COL4A3: variants seen among roughly 807,000 people sequenced by gnomAD.
COL4A3 encodes the protein collagen type IV alpha 3 chain.
Under a neutral mutation model 217.4 loss-of-function variants are expected in COL4A3, and 135 were observed. That is an observed-to-expected ratio of 0.62 (90% CI 0.54 to 0.72). The LOEUF (loss-of-function observed/expected upper bound fraction) is 0.72. COL4A3 is among the 30% of genes least tolerant of loss of function. The pLI is 0.00. For missense variants in COL4A3, 1,868 were observed against 2,119.9 expected (o/e 0.88, Z 2.33); for synonymous variants, 690 against 736.3 (o/e 0.94, Z 1.02).
In COL4A3 at chr2:227,294,495, C is replaced by T; in HGVS notation, c.3343C>T (p.Pro1115Ser). The part of the protein sequence containing the change: ...SPGSPGLPGK[P>S]GPHGDLGFKG... ...TCCCCTCTCTTCATTTCCAGGAAAG[C>T]CAGGTCCTCATGGTGATTTGGGTTT... The change falls in exon 39 of 52, where the codon CCA becomes TCA. Residue 1115 changes from proline (P) to serine (S), a missense_variant. Pro to Ser is a moderately conservative substitution (Grantham distance 74, BLOSUM62 -1). Coordinates refer to ENST00000396578, the MANE Select transcript of COL4A3 (RefSeq NM_000091.5). The T allele has an allele frequency of 6.2e-7, 1 of 1,609,710 alleles. No homozygotes were observed. Among genetic ancestry groups the T allele is most frequent in the East Asian group, 2.2e-5 (1 of 44,864 alleles).
intron 1 of COL4A3, among the ~76,000 whole-genome samples, chr2:227,192,981 A>C (rs1039262975): frequency 2.0e-5 from 3 of 152,302 alleles, no homozygotes; most frequent in Non-Finnish European, 4.4e-5. Flanking sequence ...CACTCTATCA[A>C]ATCACTCTAA....
At chr2:227,231,018 T>A (rs902176613) in intron 1 of COL4A3, among the ~76,000 whole-genome samples, 1 of 152,224 alleles carries the variant, frequency 6.6e-6, no homozygotes, top group Non-Finnish European at 1.5e-5. Flanking sequence ...ACCTTGCCAA[T>A]TTAACTGAGA....
intron 1 of COL4A3, among the ~76,000 whole-genome samples, chr2:227,211,707 G>T (rs555963807): frequency 6.7e-6 from 1 of 148,634 alleles, no homozygotes; most frequent in African/African-American, 2.5e-5. Context: ...GCCCAGGCTG[G>T]AGTGCAGTGG....
intron 1 of COL4A3, among the ~76,000 whole-genome samples, chr2:227,206,961 G>A (rs143643140): frequency 3.3e-5 from 5 of 152,274 alleles, no homozygotes; most frequent in African/African-American, 4.8e-5. Flanking sequence ...CAAAGCACTT[G>A]CACTGCATAC....
rs2073646986 is a variant in COL4A3 at position 227,309,306 on chromosome 2, T to G, written c.4743T>G (p.Phe1581Leu). ...GCTGGATTTCTCTCTGGAAAGGATT[T>G]TCATTCATCATGGTGAGGAGAAAAG... is the stretch of plus-strand genomic sequence containing the variant. ...PHGWISLWKGFSFIMFTSAGS... is the reference protein window; with the variant it reads ...PHGWISLWKGLSFIMFTSAGS... Residue 1581 changes from phenylalanine (F) to leucine (L), a missense_variant, in exon 50 of 52, where the codon TTT (phenylalanine) becomes TTG (leucine). Physicochemically the swap from Phe to Leu is conservative, Grantham distance 22. Transcript: ENST00000396578. 2.5e-6 allele frequency: 4 copies of G among 1,613,538 alleles called. No homozygotes were observed. Among genetic ancestry groups the G allele is most frequent in the Middle Eastern group, 1.6e-4 (1 of 6,062 alleles).
At chr2:227,260,139 G>A (rs941211554) in intron 19 of COL4A3, 1 of 623,244 alleles carries the variant, frequency 1.6e-6, no homozygotes, top group African/African-American at 1.8e-5. Flanking sequence ...TTGCTGGAGG[G>A]CAGGAGGAGG....
chr2:227,167,767 T>G (rs2065330915), intron 1 of COL4A3, among the ~76,000 whole-genome samples: 1 of 152,164 alleles, frequency 6.6e-6, no homozygotes, highest in Non-Finnish European at 1.5e-5. Context: ...ATTAATATAC[T>G]TTGACTTGTT....
At chr2:227,169,640 A>G (rs916196229) in intron 1 of COL4A3, among the ~76,000 whole-genome samples, 3 of 152,182 alleles carry the variant, frequency 2.0e-5, no homozygotes, top group African/African-American at 7.2e-5. Flanking sequence ...TATGATAGCC[A>G]GTGATGGTGA....
chr2:227,239,073 T>A (rs2068865915), intron 2 of COL4A3, among the ~76,000 whole-genome samples: 1 of 152,218 alleles, frequency 6.6e-6, no homozygotes. Flanking sequence ...ATTGTGTAAC[T>A]AAATTGACCC....
intron 4 of COL4A3, 140 bp downstream of exon 4, chr2:227,244,504 T>C (rs954731025): frequency 8.0e-6 from 7 of 874,274 alleles, no homozygotes; most frequent in Non-Finnish European, 9.3e-6. Flanking sequence ...TCTGTAATGG[T>C]AGATGTCAAA....
At chr2:227,238,770 T>C (rs1184651849) in intron 2 of COL4A3, among the ~76,000 whole-genome samples, 2 of 152,200 alleles carry the variant, frequency 1.3e-5, no homozygotes, top group Non-Finnish European at 2.9e-5. Context: ...ATAATTATAC[T>C]TATTTTAAAT....
chr2:227,231,817 C>A (rs185667254), intron 1 of COL4A3, among the ~76,000 whole-genome samples: 1 of 151,850 alleles, frequency 6.6e-6, no homozygotes, highest in Non-Finnish European at 1.5e-5. Flanking sequence ...TAGGCGTGAA[C>A]CCTCGTGCCT....
At position 227,253,728 on chromosome 2, in the gene COL4A3, T is replaced by C; in HGVS notation, c.765+90T>C. On this transcript the variant is annotated intron_variant, in intron 13 of 51. Coordinates refer to ENST00000396578, the MANE Select transcript of COL4A3 (RefSeq NM_000091.5). The surrounding 1 kb of genome is among the most constrained non-coding windows in gnomAD (Gnocchi z 4.4). ...CTGCACCTCTTTTACAAGCTCTTGT[T>C]ATCTAAGTCCAGCTCAGCCCAGCTC... is the stretch of plus-strand genomic sequence containing the variant. 8.7e-7 allele frequency: 1 copy of C among 1,150,966 alleles called. No individual in the cohort carries two copies. The highest frequency in any genetic ancestry group is 1.3e-6 in the Non-Finnish European group (1 of 758,392). 71.3% of individuals were successfully genotyped at this position (1,150,966 alleles called of 1,614,324 possible). A position where few individuals can be genotyped will look rare whatever the true frequency, so the allele number is the denominator to read the frequency against.
At chr2:227,176,650 G>A (rs1005391355) in intron 1 of COL4A3, among the ~76,000 whole-genome samples, 3 of 152,174 alleles carry the variant, frequency 2.0e-5, no homozygotes, top group African/African-American at 7.2e-5. Flanking sequence ...TAGAAACTTT[G>A]AGAGATTTGT....
rs748026887 is a variant in COL4A3, at chr2:227,307,800, TCACCCGA to T, written c.4347_4353del (p.Arg1450ValfsTer77). On this transcript the variant is annotated frameshift_variant, in exon 48 of 52. Coordinates refer to ENST00000396578, the MANE Select transcript of COL4A3 (RefSeq NM_000091.5). LOFTEE classifies it high-confidence loss of function. ...ACCTGGACAACGAGAGGCTTTGTCT[TCACCCGA>T]CACAGTCAAACCACAGCAATTCCTT... is the stretch of plus-strand genomic sequence containing the variant. 1.2e-5 allele frequency: 19 copies of T among 1,614,122 alleles called. No homozygotes were observed. The South Asian group carries it at 2.0e-4, about 17-fold the overall frequency.
At chr2:227,260,148 G>A (rs2070460381) in intron 19 of COL4A3, 1 of 602,968 alleles carries the variant, frequency 1.7e-6, no homozygotes, top group South Asian at 1.5e-5. Context: ...GGCAGGAGGA[G>A]GGAGTGCAAG....
intron 1 of COL4A3, among the ~76,000 whole-genome samples, chr2:227,174,599 C>T (rs1217198880): frequency 6.6e-6 from 1 of 152,076 alleles, no homozygotes. Context: ...CTCCACCTCC[C>T]AGGTTCAAGT....
chr2:227,298,602 T>C, intron 42 of COL4A3, 80 bp from the exon 43 acceptor site: 7 of 1,586,352 alleles, frequency 4.4e-6, no homozygotes, highest in Non-Finnish European at 6.0e-6. Context: ...GGGTTTATAC[T>C]TCATTAGAAA....
At chr2:227,198,612 G>A (rs2066571673) in intron 1 of COL4A3, among the ~76,000 whole-genome samples, 1 of 151,986 alleles carries the variant, frequency 6.6e-6, no homozygotes, top group Non-Finnish European at 1.5e-5. Flanking sequence ...TCCACACCAT[G>A]TACTACTACT....
Sources: allele counts gnomAD v4.1 joint callset (sites outside exome capture counted in the v4.1 genomes callset), GRCh38; gene constraint gnomAD v4.1.1; non-coding constraint Gnocchi (gnomAD v3.1); transcripts MANE v1.5; gene names NCBI Gene and HGNC (gene_info 2026-07-23, HGNC 2026-07-21).